Variants in POPDC2 observed in about 807,000 individuals in gnomAD.
POPDC2 encodes popeye domain cAMP effector 2.
POPDC2 carries 24 observed loss-of-function variants against 30.5 expected under a neutral mutation model. The ratio of observed to expected loss-of-function variants is 0.79; its 90% CI spans 0.57 to 1.11. The LOEUF (loss-of-function observed/expected upper bound fraction) is 1.11. POPDC2 is among the 50% of genes least tolerant of loss of function. The pLI, the probability that POPDC2 is intolerant of heterozygous loss-of-function variation, is 0.00. For missense variants in POPDC2, 409 were observed against 447.0 expected, an observed-to-expected ratio of 0.91 and a Z score of 0.77; for synonymous variants, 185 against 183.3, an observed-to-expected ratio of 1.01 and a Z score of -0.07.
chr3:119,643,440 T>A (rs2052712076), intron 3 of POPDC2: 3 of 1,529,734 alleles, frequency 2.0e-6, no homozygotes, highest in Non-Finnish European at 2.6e-6. Flanking sequence ...AGAGGGAAAA[T>A]CATCTATCTC....
At chr3:119,650,126 A>G (rs544791652) in intron 2 of POPDC2, among the ~76,000 whole-genome samples, 3 of 152,216 alleles carry the variant, frequency 2.0e-5, no homozygotes, top group Non-Finnish European at 4.4e-5. Flanking sequence ...CCCAAACAAG[A>G]AATCAGAGTA....
At chr3:119,657,700 C>A (rs2052895070) in intron 1 of POPDC2, among the ~76,000 whole-genome samples, 1 of 152,202 alleles carries the variant, frequency 6.6e-6, no homozygotes, top group South Asian at 2.1e-4. Flanking sequence ...AGAGTGACAA[C>A]CGTAGAGTGT....
At chr3:119,649,016 G>A (rs978553652) in intron 2 of POPDC2, among the ~76,000 whole-genome samples, 1 of 152,232 alleles carries the variant, frequency 6.6e-6, no homozygotes, top group Non-Finnish European at 1.5e-5. Context: ...ATGATTTTAA[G>A]ATAGAGAAAG....
At position 119,648,502 on chromosome 3, in the gene POPDC2, A is replaced by C; in HGVS notation, c.767T>G (p.Phe256Cys). Residue 256 changes from phenylalanine to cysteine, a missense_variant, in exon 3 of 4, where the codon TTT becomes TGT. Transcript: ENST00000493094. ...YTLNDKLFAK[F>C]GLRFDIRLPS... is the part of the protein sequence containing the mutation. ...AAGGCGGATGTCAAAGCGCAGCCCAAACTTAGCAAAGAGCTTGTCATTGAG... is the reference window on the plus strand; with the variant it reads ...AAGGCGGATGTCAAAGCGCAGCCCACACTTAGCAAAGAGCTTGTCATTGAG... 1 of 1,614,142 alleles carries C rather than the reference A, an allele frequency of 6.2e-7. No individual in the cohort carries two copies. The highest frequency in any genetic ancestry group is 1.1e-5 in the South Asian group (1 of 91,074).
intron 1 of POPDC2, among the ~76,000 whole-genome samples, chr3:119,658,792 A>G (rs1414851163): frequency 6.6e-6 from 1 of 152,194 alleles, no homozygotes; most frequent in African/African-American, 2.4e-5. Context: ...TATACATGAT[A>G]CTTCAGGTTC....
At chr3:119,652,841 C>A (rs1259520001) in intron 2 of POPDC2, among the ~76,000 whole-genome samples, 1 of 152,158 alleles carries the variant, frequency 6.6e-6, no homozygotes, top group African/African-American at 2.4e-5. Context: ...ATCACAGAGC[C>A]AAGTGTCAGG....
At chr3:119,645,671 G>C (rs957610281) in intron 3 of POPDC2, among the ~76,000 whole-genome samples, 1 of 152,124 alleles carries the variant, frequency 6.6e-6, no homozygotes. Context: ...AGAATGGAGG[G>C]AACTGCTAGT....
rs139350474 is a variant in POPDC2, at chr3:119,660,073, C to A, written c.351G>T (p.Leu117=). 4 of 1,614,234 alleles carry A rather than the reference C, an allele frequency of 2.5e-6. No homozygotes were observed. The highest frequency in any genetic ancestry group is 2.2e-5 in the East Asian group (1 of 44,884). The stretch of plus-strand genomic sequence containing the variant: ...ATGTCTGTAGGGGCACCTGCAAGGG[C>A]AGGCACAGCGTCTTGTAGAGGAGGT... ...EFDLLYKTLC[L]PLQVPLQTYK... is the part of the protein sequence containing the mutation. The change falls in exon 1 of 4, where the codon CTG becomes CTT. Residue 117 remains leucine (L), a synonymous_variant. Coordinates refer to ENST00000493094, the MANE Select transcript of POPDC2 (RefSeq NM_001369919.2).
chr3:119,656,364 C>T (rs1277035200), intron 1 of POPDC2, among the ~76,000 whole-genome samples: 2 of 152,094 alleles, frequency 1.3e-5, no homozygotes, highest in African/African-American at 2.4e-5. Flanking sequence ...GAATTATTTG[C>T]TTTAATTTTA....
chr3:119,642,989 G>T (rs1466680019), intron 3 of POPDC2, among the ~76,000 whole-genome samples: 1 of 152,200 alleles, frequency 6.6e-6, no homozygotes, highest in Non-Finnish European at 1.5e-5. Context: ...CATGACTCAG[G>T]AGCAGCCCCA....
Position 119,648,823 on chromosome 3 carries a change from G to C in POPDC2, c.601-155C>G, listed in dbSNP as rs549681670. 1.4e-4 allele frequency among the ~76,000 whole-genome samples: 21 copies of C among 152,360 alleles called. 1 individual carries two copies. In the South Asian group the frequency reaches 4.3e-3, roughly 32 times the overall value. On this transcript the variant is annotated intron_variant, in intron 2 of 3. Coordinates refer to ENST00000493094, the MANE Select transcript of POPDC2 (RefSeq NM_001369919.2). The stretch of plus-strand genomic sequence containing the variant: ...TATGGCCTTGCCTGGAGGAGGTCTA[G>C]TGGATGACTTTCACTTGTGTGCACT...
intron 1 of POPDC2, among the ~76,000 whole-genome samples, chr3:119,659,228 C>T (rs540814729): frequency 6.6e-6 from 1 of 152,314 alleles, no homozygotes; most frequent in African/African-American, 2.4e-5. Flanking sequence ...CCACAAAAGC[C>T]TTGATGAGAT....
intron 3 of POPDC2, chr3:119,643,220 C>T (rs1485915410): frequency 1.6e-6 from 1 of 612,614 alleles, no homozygotes; most frequent in Non-Finnish European, 2.9e-6. Context: ...CTTACAGCTG[C>T]TTCTGAGGGG....
Position 119,652,901 on chromosome 3 carries a change from G to T in POPDC2, c.600+1604C>A, listed in dbSNP as rs142877239. 6.0e-3 allele frequency among the ~76,000 whole-genome samples: 916 copies of T among 152,296 alleles called. 6 individuals carry two copies. The highest frequency in any genetic ancestry group is 0.021 in the African/African-American group (886 of 41,554). On this transcript the variant is annotated intron_variant, in intron 2 of 3. Transcript: ENST00000493094. ...AGGTAGCACTGCCCGGTGTGTGTCT[G>T]TTCCGGGGTTGGCTCATATGTTGGC... is the stretch of plus-strand genomic sequence containing the variant.
chr3:119,645,566 C>CAG (rs2052736679), intron 3 of POPDC2, among the ~76,000 whole-genome samples: 1 of 115,412 alleles, frequency 8.7e-6, no homozygotes, highest in Non-Finnish European at 1.7e-5. Context: ...CCGTCTCAAA[C>CAG]AAAAAAAAAA....
intron 1 of POPDC2, 29 bp from the exon 2 acceptor site, chr3:119,654,642 G>C (rs761548655): frequency 6.4e-7 from 1 of 1,572,472 alleles, no homozygotes; most frequent in Non-Finnish European, 8.8e-7. Context: ...AGATCATGTG[G>C]GAAAAGGAAA....
In POPDC2 at chr3:119,654,609, G is replaced by T. The variant is rs754687676; in HGVS notation, c.496C>A (p.Arg166Ser). ...RLSLLLSGRV[R>S]VSQDGQFLHY... ...AGAAACTGCCCATCCTGGCTCACAC[G>T]AACCCTGGCAAGGGAAGAGAAGAGA... The change falls in exon 2 of 4, where the codon CGT becomes AGT. Residue 166 changes from arginine to serine, a missense_variant. Coordinates refer to ENST00000493094, the MANE Select transcript of POPDC2 (RefSeq NM_001369919.2). The T allele has an allele frequency of 6.2e-7, 1 of 1,612,918 alleles. No individual in the cohort carries two copies. The highest frequency in any genetic ancestry group is 8.5e-7 in the Non-Finnish European group (1 of 1,178,934).
In POPDC2 at chr3:119,648,144, C is replaced by A; in HGVS notation, c.*18G>T. 6.7e-7 allele frequency: 1 copy of A among 1,488,920 alleles called. No individual in the cohort carries two copies. The allele number at this position is 1,488,920 out of a possible 1,614,324, so 92.2% of individuals were successfully genotyped here. A position where few individuals can be genotyped will look rare whatever the true frequency, so the allele number is the denominator to read the frequency against. On this transcript the variant is annotated 3_prime_UTR_variant, in exon 3 of 4. Transcript: ENST00000493094. ...ATAGGATCCTGAGCCGGTGGCTGTG[C>A]CCATGTTAGTTCTCCCTTCACCTCA...
At position 119,648,385 on chromosome 3, in the gene POPDC2, G is replaced by A; in HGVS notation, c.884C>T (p.Ser295Phe). The change falls in exon 3 of 4, where the codon TCC becomes TTC. Residue 295 changes from serine to phenylalanine, a missense_variant. By Grantham distance (155) the Ser-to-Phe change is radical (BLOSUM62 -2). Transcript: ENST00000493094. ...AGAGGTGGGTGTGGCCTGAGGAGGG[G>A]ACACAGCTGGCTCACAGACTTCCTC... is the stretch of plus-strand genomic sequence containing the variant. ...GDEEVCEPAVSPPQATPTSLQ... is the reference protein window; with the variant it reads ...GDEEVCEPAVFPPQATPTSLQ... 1 of 1,614,138 alleles carries A rather than the reference G, an allele frequency of 6.2e-7. No homozygotes were observed. Among genetic ancestry groups the A allele is most frequent in the Non-Finnish European group, 8.5e-7 (1 of 1,180,022 alleles).
Sources: gnomAD v4.1 joint callset for allele counts (sites outside exome capture counted in the v4.1 genomes callset) on GRCh38, gnomAD v4.1.1 for gene constraint, MANE v1.5 for transcripts, NCBI Gene and HGNC (gene_info 2026-07-23, HGNC 2026-07-21) for gene names.